Variants in PDE4D observed in about 807,000 individuals in gnomAD.
The protein encoded by PDE4D is phosphodiesterase 4D.
In PDE4D, 24 loss-of-function variants were observed where a neutral mutation model predicts 87.4. That is an observed-to-expected ratio of 0.27 (90% CI 0.20 to 0.39). PDE4D has a LOEUF of 0.39. PDE4D is among the 10% of genes least tolerant of loss of function. The pLI, the probability that PDE4D is intolerant of heterozygous loss-of-function variation, is 1.00. For missense variants in PDE4D, 714 were observed against 1,041.0 expected (o/e 0.69, Z 4.32); for synonymous variants, 384 against 383.2 (o/e 1.00, Z -0.02).
intron 1 of PDE4D, among the ~76,000 whole-genome samples, chr5:59,541,758 T>C (rs1816389573): frequency 6.6e-6 from 1 of 152,232 alleles, no homozygotes; most frequent in Admixed American, 6.5e-5. Flanking sequence ...TATAGTTCTT[T>C]ACCTTCCCTT....
intron 1 of PDE4D, among the ~76,000 whole-genome samples, chr5:59,413,319 G>T (rs62357496): frequency 6.6e-6 from 1 of 151,628 alleles, no homozygotes; most frequent in South Asian, 2.1e-4. Context: ...TTAGCCGGGC[G>T]TAGTGGTGGG....
chr5:59,499,680 G>A (rs1478439706), intron 1 of PDE4D, among the ~76,000 whole-genome samples: 1 of 152,052 alleles, frequency 6.6e-6, no homozygotes, highest in African/African-American at 2.4e-5. Flanking sequence ...TAGAGGAGAT[G>A]CATAAATTTC....
Position 60,459,083 on chromosome 5 carries a change from T to C in PDE4D, c.-90+28859A>G, listed in dbSNP as rs188166817. Among the ~76,000 whole-genome samples the C allele has an allele frequency of 1.2e-3, 187 of 152,226 alleles. 1 individual carries two copies. The highest frequency in any genetic ancestry group is 4.4e-3 in the African/African-American group (184 of 41,538). Reference sequence around the variant, plus strand: ...TTTTCACGTTTAAAACTGAGCATCATCTTTCCTTTACAGTGAAACAAAAAG... The same window carrying C: ...TTTTCACGTTTAAAACTGAGCATCACCTTTCCTTTACAGTGAAACAAAAAG... On this transcript the variant is annotated intron_variant, in intron 1 of 16. Transcript: ENST00000502484.
intron 1 of PDE4D, among the ~76,000 whole-genome samples, chr5:59,235,304 C>T (rs981099120): frequency 6.6e-6 from 1 of 152,134 alleles, no homozygotes; most frequent in Non-Finnish European, 1.5e-5. Context: ...AAGAATTATT[C>T]CCAAAGGCCT....
At chr5:59,114,978 C>T (rs1773345368) in intron 5 of PDE4D, among the ~76,000 whole-genome samples, 1 of 151,894 alleles carries the variant, frequency 6.6e-6, no homozygotes, top group African/African-American at 2.4e-5. Flanking sequence ...ATGGAAGATA[C>T]AGGATCAAAG....
chr5:60,458,914 G>T lies in PDE4D; in HGVS notation c.-90+29028C>A, dbSNP rs1015370118. ...ATAAAAGAAGACGAGCTTCTTTGAA[G>T]CTCGAAAACAAAGAGCACCTTTCCA... On this transcript the variant is annotated intron_variant, in intron 1 of 16. Coordinates refer to the PDE4D transcript ENST00000502484. Among the ~76,000 whole-genome samples, 3 of 152,130 alleles carry T rather than the reference G, an allele frequency of 2.0e-5. No individual in the cohort carries two copies. The East Asian group carries it at 5.8e-4, about 29-fold the overall frequency.
At chr5:59,816,084 G>A (rs574629114) in intron 1 of PDE4D, among the ~76,000 whole-genome samples, 14 of 152,324 alleles carry the variant, frequency 9.2e-5, no homozygotes, top group African/African-American at 2.9e-4. Flanking sequence ...GGTTGGAAGT[G>A]TCACATGAGG....
chr5:59,039,592 C>T (rs1759266104), intron 5 of PDE4D: 18 of 828,806 alleles, frequency 2.2e-5, no homozygotes, highest in Non-Finnish European at 2.6e-5. Context: ...GAACACTCCC[C>T]CTCACGCCCC....
chr5:59,889,888 CTTGT>C (rs1314475620), intron 1 of PDE4D, among the ~76,000 whole-genome samples: 1 of 151,988 alleles, frequency 6.6e-6, no homozygotes, highest in Non-Finnish European at 1.5e-5. Context: ...ATGAATCTAC[CTTGT>C]TTGACAGACA....
intron 1 of PDE4D, among the ~76,000 whole-genome samples, chr5:60,417,220 A>C (rs998944894): frequency 1.1e-4 from 16 of 152,194 alleles, no homozygotes; most frequent in Non-Finnish European, 1.5e-5. Flanking sequence ...CTCCCCACAG[A>C]TTTATCTTGT....
At chr5:60,015,719 C>T (rs1241222408) in intron 2 of PDE4D, among the ~76,000 whole-genome samples, 2 of 151,946 alleles carry the variant, frequency 1.3e-5, no homozygotes, top group Non-Finnish European at 2.9e-5. Context: ...GAATTGAAGG[C>T]CTTAAGAGCA....
chr5:59,025,202 A>G (rs534888098), intron 6 of PDE4D, among the ~76,000 whole-genome samples: 2 of 152,168 alleles, frequency 1.3e-5, no homozygotes, highest in African/African-American at 4.8e-5. Context: ...TCTCTTTATT[A>G]AAAACTGTGA....
intron 5 of PDE4D, chr5:59,039,960 C>T (rs1020029967): frequency 5.3e-5 from 8 of 152,220 alleles, no homozygotes; most frequent in Admixed American, 1.3e-4. Flanking sequence ...GCGCACCTGT[C>T]TCGCTAGAAC....
intron 2 of PDE4D, among the ~76,000 whole-genome samples, chr5:60,182,446 A>G (rs1011621664): frequency 2.6e-5 from 4 of 152,204 alleles, no homozygotes; most frequent in Non-Finnish European, 5.9e-5. Context: ...CAGCCTGACC[A>G]ACATGGTGAA....
chr5:60,239,810 A>G (rs1746872376), intron 1 of PDE4D, among the ~76,000 whole-genome samples: 1 of 152,050 alleles, frequency 6.6e-6, no homozygotes, highest in Non-Finnish European at 1.5e-5. Context: ...GGTTTACTTT[A>G]TATCTAGCAA....
rs955506762 is a variant in PDE4D at position 59,417,019 on chromosome 5, A to C, written c.456-201051T>G. ...AGTATTTCACCCAAGAGATATTCCC[A>C]CTTTTCGAAATATTGTGTATGAAGT... On this transcript the variant is annotated intron_variant, in intron 1 of 14. Transcript: ENST00000340635. Among the ~76,000 whole-genome samples the C allele has an allele frequency of 5.9e-5, 9 of 152,162 alleles. No homozygotes were observed. The South Asian group carries it at 1.9e-3, about 31-fold the overall frequency.
At chr5:60,283,152 T>C (rs866357616) in intron 1 of PDE4D, among the ~76,000 whole-genome samples, 1 of 152,114 alleles carries the variant, frequency 6.6e-6, no homozygotes, top group Non-Finnish European at 1.5e-5. Flanking sequence ...TATTACCATG[T>C]TTTCTAATAT....
intron 1 of PDE4D, among the ~76,000 whole-genome samples, chr5:60,467,809 G>C (rs1425576771): frequency 6.6e-6 from 1 of 152,160 alleles, no homozygotes; most frequent in Non-Finnish European, 1.5e-5. Context: ...GCATGGCAGA[G>C]CAGGAGAGAG....
At chr5:59,503,243 AC>A (rs1346747622) in intron 1 of PDE4D, among the ~76,000 whole-genome samples, 3 of 152,130 alleles carry the variant, frequency 2.0e-5, no homozygotes, top group Non-Finnish European at 4.4e-5. Flanking sequence ...ATCTATAACT[AC>A]TTCTGTAGAA....
Sources: gnomAD v4.1 joint callset for allele counts (sites outside exome capture counted in the v4.1 genomes callset) on GRCh38, gnomAD v4.1.1 for gene constraint, MANE v1.5 for transcripts, NCBI Gene and HGNC (gene_info 2026-07-23, HGNC 2026-07-21) for gene names.